Variants in DSCAM observed in about 807,000 individuals in gnomAD.
DSCAM encodes the protein cell adhesion molecule DSCAM.
A neutral mutation model predicts 217.7 loss-of-function variants in DSCAM; 47 were observed. The ratio of observed to expected loss-of-function variants is 0.22; its 90% CI spans 0.17 to 0.28. The LOEUF (loss-of-function observed/expected upper bound fraction) is 0.28. Among genes scored for constraint, DSCAM ranks in the 10% least tolerant of loss-of-function variants. DSCAM has a pLI of 1.00. For missense variants in DSCAM, 2,080 were observed against 2,618.3 expected (o/e 0.79, Z 4.49); for synonymous variants, 1,056 against 1,015.3 (o/e 1.04, Z -0.76).
In DSCAM at chr21:40,306,165, G is replaced by T. The variant is rs866389297; in HGVS notation, c.2062+5916C>A. Among the ~76,000 whole-genome samples, 18 of 150,718 alleles carry T rather than the reference G, an allele frequency of 1.2e-4. 1 individual carries two copies. The highest frequency in any genetic ancestry group is 5.3e-4 in the Admixed American group (8 of 15,210). On this transcript the variant is annotated intron_variant, in intron 9 of 32. Transcript: ENST00000400454. ...CTTGAAGAGGTCCTTCACATCCCTT[G>T]TAAGTTGGATTCCTAGGTATTTTAT...
intron 3 of DSCAM, among the ~76,000 whole-genome samples, chr21:40,584,049 C>T (rs937331314): frequency 1.3e-5 from 2 of 151,996 alleles, no homozygotes; most frequent in Non-Finnish European, 2.9e-5. Flanking sequence ...CCCCCAAAAA[C>T]CTGTAGGGGA....
intron 3 of DSCAM, among the ~76,000 whole-genome samples, chr21:40,654,415 C>T (rs988440430): frequency 1.3e-5 from 2 of 152,200 alleles, no homozygotes; most frequent in African/African-American, 4.8e-5. Flanking sequence ...AAGCAAGAGG[C>T]TGTTCGATTT....
chr21:40,678,719 C>T (rs561561293), intron 3 of DSCAM, among the ~76,000 whole-genome samples: 1 of 152,234 alleles, frequency 6.6e-6, no homozygotes, highest in East Asian at 1.9e-4. Context: ...ACAACATGCC[C>T]TCACACACAA....
At chr21:40,489,059 T>C (rs532475866) in intron 3 of DSCAM, among the ~76,000 whole-genome samples, 6 of 152,190 alleles carry the variant, frequency 3.9e-5, no homozygotes, top group Non-Finnish European at 5.9e-5. Context: ...AAAATTTGCA[T>C]AAAGAAAAGA....
rs148699913 is a variant in DSCAM at position 40,821,907 on chromosome 21, C to T, written c.43+24712G>A. On this transcript the variant is annotated intron_variant, in intron 1 of 32. Transcript: ENST00000400454. ...GGAGAGGATCAGGAAAAATAACTAA[C>T]GTGTACTAGGCTTAATACCTGGATG... 9.3e-3 allele frequency among the ~76,000 whole-genome samples: 1,406 copies of T among 151,986 alleles called. 17 individuals are homozygous for T. The highest frequency in any genetic ancestry group is 0.032 in the African/African-American group (1,321 of 41,420).
chr21:40,767,905 TGTGTGTGC>T (rs1479862127), intron 1 of DSCAM, among the ~76,000 whole-genome samples: 4 of 144,782 alleles, frequency 2.8e-5, no homozygotes, highest in Admixed American at 1.4e-4. Context: ...TCTCCCTGTG[TGTGTGTGC>T]GTGTGTGCAT....
intron 3 of DSCAM, among the ~76,000 whole-genome samples, chr21:40,558,807 C>T (rs2076693244): frequency 6.6e-6 from 1 of 152,056 alleles, no homozygotes; most frequent in South Asian, 2.1e-4. Context: ...TTTTTATCAC[C>T]ACTGGAATTG....
chr21:40,519,080 T>C (rs1239055530), intron 3 of DSCAM, among the ~76,000 whole-genome samples: 1 of 152,142 alleles, frequency 6.6e-6, no homozygotes, highest in Admixed American at 6.5e-5. Flanking sequence ...ATACATGTAG[T>C]CCGATGTTGA....
At chr21:40,511,784 G>A (rs536484049) in intron 3 of DSCAM, among the ~76,000 whole-genome samples, 2 of 151,842 alleles carry the variant, frequency 1.3e-5, no homozygotes, top group African/African-American at 4.8e-5. Context: ...GAGGTCAGGA[G>A]ATCGAGACCA....
intron 11 of DSCAM, among the ~76,000 whole-genome samples, chr21:40,191,192 T>C (rs975437694): frequency 6.6e-6 from 1 of 152,172 alleles, no homozygotes; most frequent in African/African-American, 2.4e-5. Context: ...GTTTGAGACA[T>C]ATAATGAAAC....
At chr21:40,647,517 G>A (rs1601819895) in intron 3 of DSCAM, among the ~76,000 whole-genome samples, 3 of 59,864 alleles carry the variant, frequency 5.0e-5, no homozygotes, top group South Asian at 6.0e-4. Flanking sequence ...TGGACCACTC[G>A]AAATTCCATT....
At chr21:40,033,600 G>A (rs1186460305) in intron 32 of DSCAM, among the ~76,000 whole-genome samples, 1 of 151,704 alleles carries the variant, frequency 6.6e-6, no homozygotes, top group Non-Finnish European at 1.5e-5. Flanking sequence ...GCTGGGGGAG[G>A]GGGGCCCCCC....
At chr21:40,331,376 T>G (rs2074376447) in intron 8 of DSCAM, among the ~76,000 whole-genome samples, 1 of 152,106 alleles carries the variant, frequency 6.6e-6, no homozygotes, top group African/African-American at 2.4e-5. Flanking sequence ...ATGATGTCAT[T>G]AGAAGACGGC....
intron 3 of DSCAM, among the ~76,000 whole-genome samples, chr21:40,442,517 G>GTTTT (rs35821647): frequency 7.2e-5 from 3 of 41,880 alleles, no homozygotes; most frequent in Non-Finnish European, 1.1e-4. Context: ...TTTTTTTTTT[G>GTTTT]TTTTTTTTTT....
chr21:40,629,238 T>C (rs539614513), intron 3 of DSCAM, among the ~76,000 whole-genome samples: 3 of 152,282 alleles, frequency 2.0e-5, no homozygotes, highest in African/African-American at 7.2e-5. Flanking sequence ...GTCAAACCAT[T>C]TGGGATTGGA....
chr21:40,540,433 G>A (rs954998065), intron 3 of DSCAM, among the ~76,000 whole-genome samples: 2 of 152,012 alleles, frequency 1.3e-5, no homozygotes, highest in East Asian at 1.9e-4. Context: ...CCACATCTAC[G>A]TCCCTCCATG....
At chr21:40,335,468 A>T (rs1386438255) in intron 8 of DSCAM, among the ~76,000 whole-genome samples, 1 of 152,206 alleles carries the variant, frequency 6.6e-6, no homozygotes, top group Admixed American at 6.5e-5. Flanking sequence ...AAAAGGATTA[A>T]GATGAATACA....
At chr21:40,516,888 C>CATATATATATATATATATAT (rs55695954) in intron 3 of DSCAM, among the ~76,000 whole-genome samples, 2 of 143,474 alleles carry the variant, frequency 1.4e-5, no homozygotes, top group African/African-American at 5.1e-5. Context: ...ACACACACAC[C>CATATATATATATATATATAT]ATATATATAT....
chr21:40,414,705 C>G (rs1601624188), intron 3 of DSCAM, among the ~76,000 whole-genome samples: 1 of 152,124 alleles, frequency 6.6e-6, no homozygotes, highest in Admixed American at 6.5e-5. Context: ...AGGTATGTCT[C>G]AAAAATCACA....
Sources: allele counts gnomAD v4.1 joint callset (sites outside exome capture counted in the v4.1 genomes callset), GRCh38; gene constraint gnomAD v4.1.1; transcripts MANE v1.5; gene names NCBI Gene and HGNC (gene_info 2026-07-23, HGNC 2026-07-21).